YPEL2: variants seen among roughly 807,000 people sequenced by gnomAD.
The protein encoded by YPEL2 is protein yippee-like 2.
A neutral mutation model predicts 19.1 loss-of-function variants in YPEL2; 2 were observed. That is an observed-to-expected ratio of 0.10 (90% CI 0.04 to 0.33). YPEL2 has a LOEUF of 0.33. Ranked by LOEUF, YPEL2 falls within the 10% of genes least tolerant of loss-of-function variation. The pLI is 1.00. For synonymous variants in YPEL2, 52 were observed against 50.0 expected (o/e 1.04, Z -0.17); for missense variants, 66 against 140.7 (o/e 0.47, Z 2.68).
chr17:59,394,184 G>T (rs1437162215), intron 4 of YPEL2, among the ~76,000 whole-genome samples: 2 of 151,368 alleles, frequency 1.3e-5, no homozygotes, highest in Non-Finnish European at 3.0e-5. Flanking sequence ...GGCTGGCCGG[G>T]CGGGGGGCTG....
At chr17:59,345,675 C>A (rs982842683) in intron 1 of YPEL2, among the ~76,000 whole-genome samples, 2 of 152,158 alleles carry the variant, frequency 1.3e-5, no homozygotes, top group African/African-American at 2.4e-5. Flanking sequence ...AACCTCCTAA[C>A]CACCGTGAGT....
At chr17:59,357,847 T>C (rs2047820638) in intron 2 of YPEL2, among the ~76,000 whole-genome samples, 1 of 152,150 alleles carries the variant, frequency 6.6e-6, no homozygotes, top group Non-Finnish European at 1.5e-5. Context: ...TTCGGGGCCC[T>C]GTGACTTCAT....
intron 2 of YPEL2, among the ~76,000 whole-genome samples, chr17:59,385,527 A>G (rs1024895475): frequency 6.6e-6 from 1 of 152,172 alleles, no homozygotes; most frequent in Non-Finnish European, 1.5e-5. Flanking sequence ...GCAGTGAGCC[A>G]TGATCGTGCC....
chr17:59,375,410 A>G (rs1355991174), intron 2 of YPEL2, among the ~76,000 whole-genome samples: 1 of 152,196 alleles, frequency 6.6e-6, no homozygotes, highest in Non-Finnish European at 1.5e-5. Context: ...CCAGGTGCCA[A>G]AGCAAGAAGG....
At chr17:59,359,687 A>G (rs2047830690) in intron 2 of YPEL2, among the ~76,000 whole-genome samples, 1 of 152,220 alleles carries the variant, frequency 6.6e-6, no homozygotes. Context: ...CCATACTCGA[A>G]TAAAATTCGA....
At chr17:59,341,781 C>T (rs375910898) in intron 1 of YPEL2, among the ~76,000 whole-genome samples, 15 of 152,296 alleles carry the variant, frequency 9.8e-5, no homozygotes, top group Admixed American at 3.9e-4. Flanking sequence ...ACAGGGACTT[C>T]GATTCTTGTT....
At chr17:59,371,514 G>T (rs1030985273) in intron 2 of YPEL2, among the ~76,000 whole-genome samples, 9 of 152,250 alleles carry the variant, frequency 5.9e-5, no homozygotes, top group African/African-American at 2.2e-4. Context: ...CTCTGTGTTT[G>T]TGTGAGCTGG....
At chr17:59,337,851 T>A (rs1249285197) in intron 1 of YPEL2, among the ~76,000 whole-genome samples, 1 of 152,238 alleles carries the variant, frequency 6.6e-6, no homozygotes, top group Non-Finnish European at 1.5e-5. Flanking sequence ...GACATAGTGC[T>A]AATTAGGGCA....
intron 1 of YPEL2, among the ~76,000 whole-genome samples, chr17:59,334,831 C>A (rs1232406252): frequency 1.3e-5 from 2 of 152,124 alleles, no homozygotes; most frequent in Non-Finnish European, 2.9e-5. Context: ...TTTGGCCAAG[C>A]AACTCACATT....
intron 2 of YPEL2, among the ~76,000 whole-genome samples, chr17:59,364,606 CTGTGTCTT>C (rs2047858782): frequency 1.4e-5 from 2 of 145,930 alleles, no homozygotes; most frequent in Non-Finnish European, 3.0e-5. Context: ...AGTAATCCCT[CTGTGTCTT>C]TTTTTTTTTT....
At position 59,398,307 on chromosome 17, in the gene YPEL2, T is replaced by G. The variant is rs1449204907; in HGVS notation, c.*1117T>G. ...GGCTTCCGTGGGATCGTCAATTTCTTGTTCTTAGAGTTTCGGGTGTTTTTC... is the reference window on the plus strand; with the variant it reads ...GGCTTCCGTGGGATCGTCAATTTCTGGTTCTTAGAGTTTCGGGTGTTTTTC... On this transcript the variant is annotated 3_prime_UTR_variant, in exon 5 of 5. Coordinates refer to ENST00000312655, the MANE Select transcript of YPEL2 (RefSeq NM_001005404.4). 1 of 152,234 alleles carries G rather than the reference T, an allele frequency of 6.6e-6. No individual in the cohort carries two copies. Among genetic ancestry groups the G allele is most frequent in the African/African-American group, 2.4e-5 (1 of 41,438 alleles). The allele number at this position is 152,234 out of a possible 1,614,324, so 9.4% of individuals were successfully genotyped here.
intron 1 of YPEL2, among the ~76,000 whole-genome samples, chr17:59,338,874 T>A (rs1361847604): frequency 1.3e-5 from 2 of 152,130 alleles, no homozygotes; most frequent in Non-Finnish European, 2.9e-5. Flanking sequence ...GGATGGGGAA[T>A]TTGTAACAAA....
intron 2 of YPEL2, among the ~76,000 whole-genome samples, chr17:59,364,291 G>A (rs924078504): frequency 2.6e-5 from 4 of 152,088 alleles, no homozygotes; most frequent in Non-Finnish European, 5.9e-5. Context: ...CACCTCCCCC[G>A]ACACACCACT....
chr17:59,374,542 C>G (rs1018790085), intron 2 of YPEL2, among the ~76,000 whole-genome samples: 2 of 152,184 alleles, frequency 1.3e-5, no homozygotes, highest in Non-Finnish European at 2.9e-5. Flanking sequence ...CAGGGACAGT[C>G]ACAATGTACT....
chr17:59,374,134 GAC>G (rs1174148209), intron 2 of YPEL2, among the ~76,000 whole-genome samples: 1 of 152,160 alleles, frequency 6.6e-6, no homozygotes, highest in Non-Finnish European at 1.5e-5. Flanking sequence ...TCTAGCTAAG[GAC>G]ACCATCCTAG....
At chr17:59,378,165 G>A (rs2047931413) in intron 2 of YPEL2, among the ~76,000 whole-genome samples, 3 of 151,998 alleles carry the variant, frequency 2.0e-5, no homozygotes, top group Admixed American at 2.0e-4. Context: ...GATCTTATAG[G>A]ATCTCTCTCT....
chr17:59,380,272 C>CT lies in YPEL2; in HGVS notation c.118-8033dup, dbSNP rs548409762. Among the ~76,000 whole-genome samples the CT allele has an allele frequency of 6.3e-3, 667 of 106,350 alleles. 8 individuals carry two copies. The highest frequency in any genetic ancestry group is 0.011 in the Middle Eastern group (2 of 188). 69.8% of individuals were successfully genotyped at this position (106,350 alleles called of 152,430 possible). A position where few individuals can be genotyped will look rare whatever the true frequency, so the allele number is the denominator to read the frequency against. On this transcript the variant is annotated intron_variant, in intron 2 of 4. Transcript: ENST00000312655. ...GCACTTGATAAACAGTATCTAACTT[C>CT]TTTTTTTTTTTTTTTTTTTTTTGAG...
At chr17:59,370,965 C>A (rs1298843253) in intron 2 of YPEL2, among the ~76,000 whole-genome samples, 1 of 151,940 alleles carries the variant, frequency 6.6e-6, no homozygotes, top group Non-Finnish European at 1.5e-5. Context: ...TTTATTTTCC[C>A]CAGGAGCATG....
intron 1 of YPEL2, among the ~76,000 whole-genome samples, chr17:59,352,502 T>C (rs2047792540): frequency 6.6e-6 from 1 of 152,186 alleles, no homozygotes; most frequent in East Asian, 1.9e-4. Context: ...AATTCACTGT[T>C]ACTGTGAATT....
Sources: allele counts gnomAD v4.1 joint callset (sites outside exome capture counted in the v4.1 genomes callset), GRCh38; gene constraint gnomAD v4.1.1; transcripts MANE v1.5; gene names NCBI Gene and HGNC (gene_info 2026-07-23, HGNC 2026-07-21).